Variants in SLC25A17 observed in about 807,000 individuals in gnomAD.
SLC25A17 encodes solute carrier family 25 member 17.
In SLC25A17, 26 loss-of-function variants were observed where a neutral mutation model predicts 38.5. The ratio of observed to expected loss-of-function variants is 0.68; its 90% CI spans 0.50 to 0.94. The LOEUF is 0.94. SLC25A17 is among the 40% of genes least tolerant of loss of function. SLC25A17 has a pLI of 0.00. For missense variants in SLC25A17, 333 were observed against 372.7 expected, an observed-to-expected ratio of 0.89 and a Z score of 0.88; for synonymous variants, 139 against 136.2, an observed-to-expected ratio of 1.02 and a Z score of -0.14.
intron 7 of SLC25A17, among the ~76,000 whole-genome samples, chr22:40,775,435 G>GTTTT (rs2057231098): frequency 1.0e-5 from 1 of 95,794 alleles, no homozygotes; most frequent in Admixed American, 1.2e-4. Context: ...GAGATCTGAT[G>GTTTT]GTTTTTTTTT....
chr22:40,808,134 T>C (rs1199572053), intron 1 of SLC25A17, among the ~76,000 whole-genome samples: 1 of 152,138 alleles, frequency 6.6e-6, no homozygotes, highest in Non-Finnish European at 1.5e-5. Flanking sequence ...TCTAACCATC[T>C]ATCTGAGTGG....
chr22:40,808,919 A>T (rs1033479333), intron 1 of SLC25A17, among the ~76,000 whole-genome samples: 1 of 152,210 alleles, frequency 6.6e-6, no homozygotes, highest in Admixed American at 6.5e-5. Context: ...TCCAAAGGCT[A>T]TGCATAAATG....
chr22:40,778,488 C>A (rs527891284), intron 5 of SLC25A17, among the ~76,000 whole-genome samples: 2 of 152,324 alleles, frequency 1.3e-5, no homozygotes, highest in South Asian at 4.1e-4. Flanking sequence ...TGAGCCAAAT[C>A]CACGTCAATC....
chr22:40,779,458 G>A lies in SLC25A17; in HGVS notation c.335-333C>T, dbSNP rs184775342. On this transcript the variant is annotated intron_variant, in intron 4 of 8. Coordinates refer to ENST00000435456, the MANE Select transcript of SLC25A17 (RefSeq NM_006358.4). ...ATATAGCTTTAAATATAATTTTAACGTAACAGCTTTAGAGATGAGAGTGGC... is the reference window on the plus strand; with the variant it reads ...ATATAGCTTTAAATATAATTTTAACATAACAGCTTTAGAGATGAGAGTGGC... 9.8e-4 allele frequency: 534 copies of A among 544,356 alleles called. 1 individual carries two copies. The Middle Eastern group carries it at 0.012, about 12-fold the overall frequency. The allele number at this position is 544,356 out of a possible 1,614,324, so 33.7% of individuals were successfully genotyped here.
intron 1 of SLC25A17, among the ~76,000 whole-genome samples, chr22:40,801,240 T>C (rs544060325): frequency 4.7e-5 from 7 of 149,210 alleles, no homozygotes; most frequent in African/African-American, 1.5e-4. Flanking sequence ...TCAATTTAAA[T>C]AGGTCAGCCT....
At chr22:40,793,634 C>T (rs189915998) in intron 3 of SLC25A17, among the ~76,000 whole-genome samples, 5 of 150,774 alleles carry the variant, frequency 3.3e-5, no homozygotes, top group African/African-American at 7.3e-5. Context: ...TTTTTTGAAA[C>T]GGAGTTTTGC....
At chr22:40,794,602 GT>G in intron 2 of SLC25A17, 22 bp from the exon 3 acceptor site, 1 of 1,514,040 alleles carries the variant, frequency 6.6e-7, no homozygotes, top group Non-Finnish European at 9.0e-7. Flanking sequence ...AACAGTGCAT[GT>G]TTATTTTATT....
At chr22:40,804,553 GGTTTTTGTTTGTTTT>G (rs2057512646) in intron 1 of SLC25A17, among the ~76,000 whole-genome samples, 3 of 151,926 alleles carry the variant, frequency 2.0e-5, no homozygotes, top group South Asian at 2.1e-4. Context: ...TTATTTACTT[GGTTTTTGTTTGTTTT>G]GTTTTTGTTT....
At chr22:40,781,417 T>C (rs1159834089) in intron 4 of SLC25A17, among the ~76,000 whole-genome samples, 1 of 152,044 alleles carries the variant, frequency 6.6e-6, no homozygotes, top group Non-Finnish European at 1.5e-5. Flanking sequence ...GACTAATTTT[T>C]TGTATTTTTA....
intron 1 of SLC25A17, among the ~76,000 whole-genome samples, 177 bp downstream of exon 1, chr22:40,819,018 C>T (rs1326011761): frequency 6.6e-6 from 1 of 152,174 alleles, no homozygotes; most frequent in Non-Finnish European, 1.5e-5. Context: ...GGCCCTTACC[C>T]CGAATTCCTC....
At chr22:40,782,497 C>A (rs1411870728) in intron 4 of SLC25A17, among the ~76,000 whole-genome samples, 1 of 152,172 alleles carries the variant, frequency 6.6e-6, no homozygotes, top group Non-Finnish European at 1.5e-5. Flanking sequence ...TAGAACACAG[C>A]TATTTACTCC....
intron 7 of SLC25A17, among the ~76,000 whole-genome samples, chr22:40,774,812 A>G (rs1443087665): frequency 1.3e-5 from 2 of 152,186 alleles, no homozygotes; most frequent in Non-Finnish European, 2.9e-5. Flanking sequence ...TATTAGTAAA[A>G]ATGCTTTTAA....
chr22:40,800,708 T>A (rs992388106), intron 1 of SLC25A17, among the ~76,000 whole-genome samples: 2 of 152,006 alleles, frequency 1.3e-5, no homozygotes, highest in African/African-American at 2.4e-5. Flanking sequence ...CATACAGTAT[T>A]TTAATCATGA....
chr22:40,807,283 A>ATT (rs2145699747), intron 1 of SLC25A17, among the ~76,000 whole-genome samples: 1 of 152,372 alleles, frequency 6.6e-6, no homozygotes, highest in South Asian at 2.1e-4. Context: ...CCAGTGAAGC[A>ATT]GGCACTATCA....
Position 40,819,320 on chromosome 22 carries a change from C to A in SLC25A17, c.-72G>T, listed in dbSNP as rs2057673480. The A allele has an allele frequency of 2.0e-6, 3 of 1,533,252 alleles. No homozygotes were observed. Among genetic ancestry groups the A allele is most frequent in the Non-Finnish European group, 2.7e-6 (3 of 1,119,140 alleles). The allele number at this position is 1,533,252 out of a possible 1,614,324, so 95.0% of individuals were successfully genotyped here. A position where few individuals can be genotyped will look rare whatever the true frequency, so the allele number is the denominator to read the frequency against. On this transcript the variant is annotated 5_prime_UTR_variant, in exon 1 of 9. Transcript: ENST00000435456. ...GCAGCCAGTGGAGTTAGGAAAGGAG[C>A]ACCGGAGCTCAGGGTGTGAGAGTCG... is the stretch of plus-strand genomic sequence containing the variant.
intron 2 of SLC25A17, among the ~76,000 whole-genome samples, chr22:40,797,011 G>A (rs1322018828): frequency 2.0e-5 from 3 of 152,164 alleles, no homozygotes; most frequent in Non-Finnish European, 2.9e-5. Flanking sequence ...GTAAAAAAGG[G>A]AGAAAATTAA....
intron 5 of SLC25A17, among the ~76,000 whole-genome samples, chr22:40,778,768 C>T (rs2057269142): frequency 6.6e-6 from 1 of 152,116 alleles, no homozygotes; most frequent in Non-Finnish European, 1.5e-5. Flanking sequence ...GCAAAAGAAA[C>T]TACCGTCAGA....
Position 40,819,213 on chromosome 22 carries a change from G to A in SLC25A17, c.36C>T (p.His12=), listed in dbSNP as rs1326848699. Residue 12 remains histidine, a synonymous_variant, in exon 1 of 9, where the codon CAC becomes CAT. Transcript: ENST00000435456. ...GTCTCACCACGGCTCCGGCCACGGC[G>A]TGGACCAGGCTTTCGTAGGACAGCA... is the stretch of plus-strand genomic sequence containing the variant. The part of the protein sequence containing the change: ...ASVLSYESLV[H]AVAGAVGSVT... The A allele has an allele frequency of 1.2e-6, 2 of 1,613,600 alleles. No homozygotes were observed. The highest frequency in any genetic ancestry group is 8.5e-7 in the Non-Finnish European group (1 of 1,180,004).
At chr22:40,781,885 G>C in intron 4 of SLC25A17, among the ~76,000 whole-genome samples, 1 of 152,036 alleles carries the variant, frequency 6.6e-6, no homozygotes, top group African/African-American at 2.4e-5. Flanking sequence ...AGGCCCAAAG[G>C]ATAAAGAAAA....
Sources: allele counts gnomAD v4.1 joint callset (sites outside exome capture counted in the v4.1 genomes callset), GRCh38; gene constraint gnomAD v4.1.1; transcripts MANE v1.5; gene names NCBI Gene and HGNC (gene_info 2026-07-23, HGNC 2026-07-21).